MFHAS1: variants seen among roughly 807,000 people sequenced by gnomAD.
MFHAS1 encodes the protein multifunctional ROCO family signaling regulator 1, also known as malignant fibrous histiocytoma-amplified sequence 1.
Under a neutral mutation model 70.4 loss-of-function variants are expected in MFHAS1, and 50 were observed. That is an observed-to-expected ratio of 0.71 (90% confidence interval 0.57 to 0.90). The LOEUF is 0.90. MFHAS1 is among the 40% of genes least tolerant of loss of function. The pLI, the probability that MFHAS1 is intolerant of heterozygous loss-of-function variation, is 0.00. For missense variants in MFHAS1, 1,795 were observed against 1,347.6 expected, an observed-to-expected ratio of 1.33 and a Z score of -5.20; for synonymous variants, 952 against 620.0, an observed-to-expected ratio of 1.54 and a Z score of -7.96.
intron 1 of MFHAS1, among the ~76,000 whole-genome samples, chr8:8,822,451 G>A (rs1806993299): frequency 6.6e-6 from 1 of 151,738 alleles, no homozygotes; most frequent in Non-Finnish European, 1.5e-5. Flanking sequence ...GATGGGGACA[G>A]GGACCAAGTC....
intron 1 of MFHAS1, among the ~76,000 whole-genome samples, chr8:8,799,938 G>C (rs183123342): frequency 1.3e-5 from 2 of 152,272 alleles, no homozygotes; most frequent in Admixed American, 1.3e-4. Flanking sequence ...CTAATGCTCA[G>C]GGAGGTTATG....
chr8:8,857,208 G>C (rs1173670259), intron 1 of MFHAS1, among the ~76,000 whole-genome samples: 1 of 152,138 alleles, frequency 6.6e-6, no homozygotes, highest in Non-Finnish European at 1.5e-5. Flanking sequence ...GAAAGTTCAT[G>C]AGACATCAAT....
intron 1 of MFHAS1, among the ~76,000 whole-genome samples, chr8:8,882,547 C>T (rs1320586782): frequency 6.6e-6 from 1 of 151,928 alleles, no homozygotes; most frequent in Non-Finnish European, 1.5e-5. Context: ...GGGAAGCAGA[C>T]GTTGCAGTGA....
chr8:8,857,298 T>A (rs888644064), intron 1 of MFHAS1, among the ~76,000 whole-genome samples: 1 of 152,194 alleles, frequency 6.6e-6, no homozygotes, highest in Non-Finnish European at 1.5e-5. Context: ...AGCACAAGTT[T>A]GCTCCTAATT....
chr8:8,892,956 T>C lies in MFHAS1; in HGVS notation c.103A>G (p.Thr35Ala). ...LRSNLRQLTL[T>A]AAGACPGAGA... is the part of the protein sequence containing the mutation. Reference sequence around the variant, plus strand: ...GCCCCGGGGCAGGCCCCGGCGGCGGTAAGCGTGAGCTGGCGCAGGTTGCTC... The same window carrying C: ...GCCCCGGGGCAGGCCCCGGCGGCGGCAAGCGTGAGCTGGCGCAGGTTGCTC... Residue 35 changes from threonine to alanine, a missense_variant, in exon 1 of 3, where the codon ACC becomes GCC. Coordinates refer to ENST00000276282, the MANE Select transcript of MFHAS1 (RefSeq NM_004225.3). The surrounding 1 kb of genome is among the most constrained non-coding windows in gnomAD (Gnocchi z 4.7). 1 of 1,544,518 alleles carries C rather than the reference T, an allele frequency of 6.5e-7. No homozygotes were observed. Among genetic ancestry groups the C allele is most frequent in the South Asian group, 1.2e-5 (1 of 84,030 alleles).
At chr8:8,818,107 G>C (rs1297307518) in intron 1 of MFHAS1, among the ~76,000 whole-genome samples, 1 of 152,158 alleles carries the variant, frequency 6.6e-6, no homozygotes, top group Non-Finnish European at 1.5e-5. Context: ...AATGTTCTAA[G>C]TTAGGTGGGC....
rs1279019126 is a variant in MFHAS1 at position 8,892,025 on chromosome 8, T to C, written c.1034A>G (p.Glu345Gly). 1 of 1,613,432 alleles carries C rather than the reference T, an allele frequency of 6.2e-7. No homozygotes were observed. The highest frequency in any genetic ancestry group is 1.3e-5 in the African/African-American group (1 of 74,908). The change falls in exon 1 of 3, where the codon GAG becomes GGG. Residue 345 changes from glutamate (E) to glycine (G), a missense_variant. Glu to Gly is a moderately conservative substitution (Grantham distance 98). Transcript: ENST00000276282. The surrounding 1 kb of genome is among the most constrained non-coding windows in gnomAD (Gnocchi z 4.7). ...PDSIVELTGL[E>G]ELVLQGNQIA... Reference sequence around the variant, plus strand: ...CTGGTTCCCCTGCAGCACGAGCTCCTCCAGGCCGGTCAGCTCCACGATGGA... The same window carrying C: ...CTGGTTCCCCTGCAGCACGAGCTCCCCCAGGCCGGTCAGCTCCACGATGGA...
rs1208676139 is a variant in MFHAS1 at position 8,797,433 on chromosome 8, G to C, written c.3057C>G (p.Asn1019Lys). The C allele has an allele frequency of 9.3e-6, 15 of 1,614,004 alleles. No individual in the cohort carries two copies. The highest frequency in any genetic ancestry group is 1.3e-5 in the Non-Finnish European group (15 of 1,180,004). Residue 1019 changes from asparagine (N) to lysine (K), a missense_variant, in exon 2 of 3, where the codon AAC becomes AAG. By Grantham distance (94) the Asn-to-Lys change is moderately conservative. Transcript: ENST00000276282. Reference sequence around the variant, plus strand: ...AGGCAACATTTACTCGCTCGCTGCCGTTCTTGGGGCAAATGATCTCTGCCA... The same window carrying C: ...AGGCAACATTTACTCGCTCGCTGCCCTTCTTGGGGCAAATGATCTCTGCCA... ...EGVAEIICPK[N>K]GSERVNVALV...
At chr8:8,790,995 G>C (rs1784707369) in intron 2 of MFHAS1, among the ~76,000 whole-genome samples, 1 of 152,094 alleles carries the variant, frequency 6.6e-6, no homozygotes, top group African/African-American at 2.4e-5. Context: ...CTACAGTATA[G>C]AGGCAATAAT....
intron 1 of MFHAS1, among the ~76,000 whole-genome samples, chr8:8,812,379 AG>A (rs1806582059): frequency 6.6e-6 from 1 of 152,158 alleles, no homozygotes; most frequent in Non-Finnish European, 1.5e-5. Flanking sequence ...GCTGGGTCCC[AG>A]GGTGGTGGGC....
intron 1 of MFHAS1, among the ~76,000 whole-genome samples, chr8:8,881,356 T>A (rs2058817829): frequency 6.6e-6 from 1 of 152,188 alleles, no homozygotes; most frequent in Non-Finnish European, 1.5e-5. Flanking sequence ...GCAGCCACCA[T>A]CATATAGAGT....
In MFHAS1 at chr8:8,784,592, G is replaced by A. The variant is rs1239691073; in HGVS notation, c.*1430C>T. 6.6e-6 allele frequency: 1 copy of A among 152,136 alleles called. No individual in the cohort carries two copies. The highest frequency in any genetic ancestry group is 2.4e-5 in the African/African-American group (1 of 41,428). The allele number at this position is 152,136 out of a possible 1,614,324, so 9.4% of individuals were successfully genotyped here. A position where few individuals can be genotyped will look rare whatever the true frequency, so the allele number is the denominator to read the frequency against. On this transcript the variant is annotated 3_prime_UTR_variant, in exon 3 of 3. Transcript: ENST00000276282. ...GCTCCTTATTTCTTTTAAAAAACAT[G>A]TTGAGACTTTGTATACTGTAGCCTT... is the stretch of plus-strand genomic sequence containing the variant.
chr8:8,891,779 T>C lies in MFHAS1; in HGVS notation c.1280A>G (p.His427Arg), dbSNP rs913558814. The C allele has an allele frequency of 3.7e-6, 6 of 1,613,242 alleles. No individual in the cohort carries two copies. Among genetic ancestry groups the C allele is most frequent in the Admixed American group, 1.7e-5 (1 of 60,000 alleles). The change falls in exon 1 of 3, where the codon CAC becomes CGC. Residue 427 changes from histidine to arginine, a missense_variant. By Grantham distance (29) the His-to-Arg change is conservative. Transcript: ENST00000276282. This position sits in a 1 kb window ranked among gnomAD's most constrained non-coding sequence, Gnocchi z 5.4. ...HKAAGKTLLR[H>R]CLTEERVEGC... ...CTCCACTCTCTCCTCGGTGAGGCAG[T>C]GGCGCAGCAAAGTCTTTCCTGCAGC...
intron 1 of MFHAS1, among the ~76,000 whole-genome samples, chr8:8,863,933 G>A (rs1241263881): frequency 6.6e-6 from 1 of 152,162 alleles, no homozygotes; most frequent in Non-Finnish European, 1.5e-5. Context: ...TTTGGACAAG[G>A]AGACACCAGA....
chr8:8,885,900 T>C (rs1052059919), intron 1 of MFHAS1, among the ~76,000 whole-genome samples: 2 of 152,130 alleles, frequency 1.3e-5, no homozygotes, highest in Non-Finnish European at 2.9e-5. Context: ...TTTGTAGAGA[T>C]GGGGTTTCAC....
chr8:8,835,641 TTC>T (rs1318553482), intron 1 of MFHAS1, among the ~76,000 whole-genome samples: 1 of 152,238 alleles, frequency 6.6e-6, no homozygotes, highest in Admixed American at 6.5e-5. Flanking sequence ...TATAAAGCTT[TTC>T]TCTCTCACTT....
At chr8:8,879,814 T>C (rs1425816345) in intron 1 of MFHAS1, among the ~76,000 whole-genome samples, 3 of 152,210 alleles carry the variant, frequency 2.0e-5, no homozygotes, top group Non-Finnish European at 4.4e-5. Context: ...AACTTCTGTA[T>C]AGAGCAGGTA....
intron 1 of MFHAS1, among the ~76,000 whole-genome samples, chr8:8,879,954 T>C (rs409997): frequency 7.2e-5 from 11 of 152,024 alleles, no homozygotes; most frequent in Non-Finnish European, 1.0e-4. Flanking sequence ...AAACTTAAAA[T>C]TTATCTTTAA....
In MFHAS1 at chr8:8,891,456, C is replaced by G; in HGVS notation, c.1603G>C (p.Val535Leu). The change falls in exon 1 of 3, where the codon GTG becomes CTG. Residue 535 changes from valine to leucine, a missense_variant. Physicochemically the swap from Val to Leu is conservative, Grantham distance 32. Transcript: ENST00000276282. This position sits in a 1 kb window ranked among gnomAD's most constrained non-coding sequence, Gnocchi z 5.4. Reference sequence around the variant, plus strand: ...CCGCACAGGTCTGCGTGGGTGCCCACGATGCACACCACCGCGTGGGGCACT... The same window carrying G: ...CCGCACAGGTCTGCGTGGGTGCCCAGGATGCACACCACCGCGTGGGGCACT... Reference protein sequence around the residue: ...ARVPHAVVCIVGTHADLCGER... With the variant: ...ARVPHAVVCILGTHADLCGER... 6.2e-7 allele frequency: 1 copy of G among 1,612,984 alleles called. No homozygotes were observed. The highest frequency in any genetic ancestry group is 1.3e-5 in the African/African-American group (1 of 75,048).
Sources: allele counts gnomAD v4.1 joint callset (sites outside exome capture counted in the v4.1 genomes callset), GRCh38; gene constraint gnomAD v4.1.1; non-coding constraint Gnocchi (gnomAD v3.1); transcripts MANE v1.5; gene names NCBI Gene and HGNC (gene_info 2026-07-23, HGNC 2026-07-21).